The following TSPEAR variants were observed in gnomAD, a reference collection of about 807,000 sequenced individuals.
TSPEAR encodes thrombospondin type laminin G domain and EAR repeats.
In TSPEAR, 69 loss-of-function variants were observed where a neutral mutation model predicts 71.6. The observed-to-expected ratio is 0.96, with a 90% CI of 0.79 to 1.18. The LOEUF (loss-of-function observed/expected upper bound fraction) is 1.18, where lower values mean the gene tolerates loss of function less well. Among genes scored for constraint, TSPEAR ranks in the 50% most tolerant of loss-of-function variants. The pLI is 0.00. For synonymous variants in TSPEAR, 402 were observed against 387.2 expected, an observed-to-expected ratio of 1.04 and a Z score of -0.45; for missense variants, 971 against 894.9, an observed-to-expected ratio of 1.09 and a Z score of -1.09.
At chr21:44,654,529 T>A in intron 1 of TSPEAR, 1 of 1,612,606 alleles carries the variant, frequency 6.2e-7, no homozygotes, top group Non-Finnish European at 8.5e-7. Flanking sequence ...CCCATAGCCC[T>A]CGGGTGGGTA....
rs587709292 is a variant in TSPEAR, at chr21:44,591,232, A to T, written c.83-23227T>A. 1.8e-5 allele frequency: 25 copies of T among 1,425,388 alleles called. No individual in the cohort carries two copies. In the East Asian group the frequency reaches 5.7e-4, roughly 33 times the overall value. 88.3% of individuals were successfully genotyped at this position (1,425,388 alleles called of 1,614,324 possible). A position where few individuals can be genotyped will look rare whatever the true frequency, so the allele number is the denominator to read the frequency against. ...AGTAGCTGGGGTCTCTCATGCAGCC[A>T]GCATCTGGGAAGGACAGGGGGAGCA... On this transcript the variant is annotated intron_variant, in intron 1 of 11. Coordinates refer to ENST00000323084, the MANE Select transcript of TSPEAR (RefSeq NM_144991.3).
At chr21:44,682,866 GAGCAGAGA>G (rs1986674560) in intron 1 of TSPEAR, among the ~76,000 whole-genome samples, 1 of 152,188 alleles carries the variant, frequency 6.6e-6, no homozygotes, top group Non-Finnish European at 1.5e-5. Flanking sequence ...GGAGTCCGAG[GAGCAGAGA>G]AGCGGAAAGA....
chr21:44,705,557 G>A (rs1254840234), intron 1 of TSPEAR, among the ~76,000 whole-genome samples: 1 of 152,158 alleles, frequency 6.6e-6, no homozygotes, highest in African/African-American at 2.4e-5. Context: ...CTAGGGGTAG[G>A]TCTCTGAACT....
intron 1 of TSPEAR, among the ~76,000 whole-genome samples, chr21:44,600,016 G>A (rs1381748708): frequency 6.6e-6 from 1 of 152,206 alleles, no homozygotes; most frequent in Non-Finnish European, 1.5e-5. Context: ...AGGAACTACT[G>A]TGAACCTGAC....
chr21:44,697,365 T>G (rs1318138798), intron 1 of TSPEAR: 1 of 1,613,144 alleles, frequency 6.2e-7, no homozygotes, highest in Non-Finnish European at 8.5e-7. Flanking sequence ...TGCACCCCAG[T>G]GAGCCGTGTA....
chr21:44,589,898 C>T (rs782393792), intron 1 of TSPEAR, among the ~76,000 whole-genome samples: 13 of 152,252 alleles, frequency 8.5e-5, no homozygotes, highest in Non-Finnish European at 1.3e-4. Flanking sequence ...AGGATGAAGG[C>T]TCGGCCCCTG....
intron 1 of TSPEAR, among the ~76,000 whole-genome samples, chr21:44,607,813 A>G (rs1981408332): frequency 6.6e-6 from 1 of 152,190 alleles, no homozygotes; most frequent in South Asian, 2.1e-4. Context: ...TGTCATAAAC[A>G]TGACACACAC....
At chr21:44,602,562 G>A (rs71322578) in intron 1 of TSPEAR, among the ~76,000 whole-genome samples, 1,582 of 152,288 alleles carry the variant, frequency 0.01, 19 homozygotes, top group Middle Eastern at 0.024. Flanking sequence ...GATTTCCGAG[G>A]GGCTCCCCCC....
intron 11 of TSPEAR, among the ~76,000 whole-genome samples, chr21:44,502,619 C>T (rs587693614): frequency 3.5e-4 from 54 of 152,384 alleles, no homozygotes; most frequent in African/African-American, 1.2e-3. Context: ...GCATCCCTGA[C>T]AGAATCCAAA....
At chr21:44,624,982 G>T (rs758017236) in intron 1 of TSPEAR, among the ~76,000 whole-genome samples, 3 of 152,170 alleles carry the variant, frequency 2.0e-5, no homozygotes, top group Non-Finnish European at 2.9e-5. Context: ...TAGATGGCCA[G>T]TCTGATGTCA....
rs2051962588 is a variant in TSPEAR, at chr21:44,497,957, CTCTCCCAAGA to C, written c.*1816_*1825del. 1 of 152,238 alleles carries C rather than the reference CTCTCCCAAGA, an allele frequency of 6.6e-6. No individual in the cohort carries two copies. The highest frequency in any genetic ancestry group is 2.1e-4 in the South Asian group (1 of 4,826). The allele number at this position is 152,238 out of a possible 1,614,324, so 9.4% of individuals were successfully genotyped here. On this transcript the variant is annotated 3_prime_UTR_variant, in exon 12 of 12. Transcript: ENST00000323084. ...GCACCCAGGAGACAGGTCTGTGCCTCTCTCCCAAGATGATGTTGAAGGCTTCAGTCAAGGG... is the reference window on the plus strand; with the variant it reads ...GCACCCAGGAGACAGGTCTGTGCCTCTGATGTTGAAGGCTTCAGTCAAGGG...
intron 7 of TSPEAR, among the ~76,000 whole-genome samples, chr21:44,526,135 T>C (rs1251296557): frequency 2.6e-5 from 4 of 152,194 alleles, no homozygotes; most frequent in Admixed American, 6.5e-5. Context: ...CAGGAAAAGC[T>C]TTATGCACAA....
At position 44,574,950 on chromosome 21, in the gene TSPEAR, G is replaced by A. The variant is rs377598729; in HGVS notation, c.83-6945C>T. 89 of 1,606,742 alleles carry A rather than the reference G, an allele frequency of 5.5e-5. No homozygotes were observed. In the African/African-American group the frequency reaches 8.2e-4, roughly 15 times the overall value. ...CAGCTGCTGCCGCCCAGCCTCCTGCGTGTCCCTCCTCTGACGCCCCGTGTG... is the reference window on the plus strand; with the variant it reads ...CAGCTGCTGCCGCCCAGCCTCCTGCATGTCCCTCCTCTGACGCCCCGTGTG... On this transcript the variant is annotated intron_variant, in intron 1 of 11. Coordinates refer to ENST00000323084, the MANE Select transcript of TSPEAR (RefSeq NM_144991.3).
In TSPEAR at chr21:44,702,212, GGCCTC is replaced by G. The variant is rs1455564140; in HGVS notation, c.82+9216_82+9220del. The stretch of plus-strand genomic sequence containing the variant: ...AGCAAAAGCTCCAGAGGAACAAAGG[GGCCTC>G]CCTGAGCCAGTGCTTCCACCAACTC... On this transcript the variant is annotated intron_variant, in intron 1 of 11. Coordinates refer to ENST00000323084, the MANE Select transcript of TSPEAR (RefSeq NM_144991.3). The G allele has an allele frequency of 2.7e-5, 43 of 1,580,430 alleles. No individual in the cohort carries two copies. In the African/African-American group the frequency reaches 3.8e-4, roughly 14 times the overall value.
chr21:44,623,688 G>A lies in TSPEAR; in HGVS notation c.83-55683C>T, dbSNP rs1569225284. On this transcript the variant is annotated intron_variant, in intron 1 of 11. Transcript: ENST00000323084. This position sits in a 1 kb window ranked among gnomAD's most constrained non-coding sequence, Gnocchi z 4.5. ...TTTGAGGATCTTCTTCCCAGGTGTAGAATTCTAGCTTGGTGCTTCTTTTCT... is the reference window on the plus strand; with the variant it reads ...TTTGAGGATCTTCTTCCCAGGTGTAAAATTCTAGCTTGGTGCTTCTTTTCT... Among the ~76,000 whole-genome samples the A allele has an allele frequency of 6.6e-6, 1 of 152,198 alleles. No individual in the cohort carries two copies. The highest frequency in any genetic ancestry group is 2.4e-5 in the African/African-American group (1 of 41,450).
In TSPEAR at chr21:44,677,399, C is replaced by T. The variant is rs768239009; in HGVS notation, c.82+34034G>A. Reference sequence around the variant, plus strand: ...CATTGACAGCCTGGACCACAGTGTTCTGAGCTGCAATCGCCTGCAGAGTGA... The same window carrying T: ...CATTGACAGCCTGGACCACAGTGTTTTGAGCTGCAATCGCCTGCAGAGTGA... On this transcript the variant is annotated intron_variant, in intron 1 of 11. Transcript: ENST00000323084. 1,155 of 1,235,298 alleles carry T rather than the reference C, an allele frequency of 9.3e-4. 1 individual carries two copies. Among genetic ancestry groups the T allele is most frequent in the Non-Finnish European group, 1.2e-3 (1,049 of 839,538 alleles). 76.5% of individuals were successfully genotyped at this position (1,235,298 alleles called of 1,614,324 possible). A position where few individuals can be genotyped will look rare whatever the true frequency, so the allele number is the denominator to read the frequency against.
chr21:44,667,515 C>A (rs1985849541), intron 1 of TSPEAR, among the ~76,000 whole-genome samples: 1 of 152,080 alleles, frequency 6.6e-6, no homozygotes, highest in Admixed American at 6.6e-5. Flanking sequence ...AGTTAAGAAC[C>A]AAGATGAGAC....
In TSPEAR at chr21:44,612,640, C is replaced by T. The variant is rs782361484; in HGVS notation, c.83-44635G>A. 3.0e-5 allele frequency: 48 copies of T among 1,614,026 alleles called. No homozygotes were observed. The highest frequency in any genetic ancestry group is 5.0e-5 in the Admixed American group (3 of 60,006). On this transcript the variant is annotated intron_variant, in intron 1 of 11. Transcript: ENST00000323084. This position sits in a 1 kb window ranked among gnomAD's most constrained non-coding sequence, Gnocchi z 4.1. The stretch of plus-strand genomic sequence containing the variant: ...AGCCCATCTGCTGTGTGCCTGTCTG[C>T]TCTGGGGCTTCCTCTCTGTGCTGCC...
intron 9 of TSPEAR, among the ~76,000 whole-genome samples, chr21:44,511,505 C>T (rs117651318): frequency 2.0e-5 from 3 of 152,340 alleles, no homozygotes; most frequent in East Asian, 3.9e-4. Flanking sequence ...TGCATGCAAC[C>T]ATGCATCTGT....
Sources: gnomAD v4.1 joint callset for allele counts (sites outside exome capture counted in the v4.1 genomes callset) on GRCh38, gnomAD v4.1.1 for gene constraint, Gnocchi (gnomAD v3.1) non-coding constraint, MANE v1.5 for transcripts, NCBI Gene and HGNC (gene_info 2026-07-23, HGNC 2026-07-21) for gene names.